Variants in CFAP47 observed in about 807,000 individuals in gnomAD.
CFAP47 encodes cilia- and flagella-associated protein 47.
In CFAP47, 29 loss-of-function variants were observed where a neutral mutation model predicts 148.1. The ratio of observed to expected loss-of-function variants is 0.20; its 90% confidence interval spans 0.15 to 0.27. The LOEUF is 0.27. Among genes scored for constraint, CFAP47 ranks in the 10% least tolerant of loss-of-function variants. CFAP47 has a pLI of 1.00. For synonymous variants in CFAP47, 664 were observed against 577.3 expected, an observed-to-expected ratio of 1.15 and a Z score of -2.15; for missense variants, 1,872 against 1,697.5, an observed-to-expected ratio of 1.10 and a Z score of -1.81.
intron 58 of CFAP47, 45 bp from the exon 59 acceptor site, chrX:36,349,993 G>A: frequency 1.3e-6 from 1 of 770,634 alleles, no homozygotes. Context: ...TGTTAATATG[G>A]AGTTTCTCCT....
intron 2 of CFAP47, among the ~76,000 whole-genome samples, chrX:35,940,200 T>C (rs1360750991): frequency 9.0e-6 from 1 of 111,458 alleles, no homozygotes; most frequent in Non-Finnish European, 1.9e-5. Context: ...TATTAGCCCT[T>C]TGTCAGCTGA....
At chrX:36,140,360 A>G (rs1939118421) in intron 35 of CFAP47, among the ~76,000 whole-genome samples, 2 of 111,776 alleles carry the variant, frequency 1.8e-5, no homozygotes, top group Admixed American at 1.9e-4. Flanking sequence ...TTTGTTTAGA[A>G]AAACCATACA....
chrX:36,069,881 A>C (rs1937714606), intron 27 of CFAP47, among the ~76,000 whole-genome samples: 1 of 112,224 alleles, frequency 8.9e-6, no homozygotes, highest in East Asian at 2.8e-4. Flanking sequence ...ATTTTAGTAT[A>C]GTTCATCTGC....
At chrX:36,300,432 G>A (rs1293738839) in intron 52 of CFAP47, among the ~76,000 whole-genome samples, 1 of 110,262 alleles carries the variant, frequency 9.1e-6, no homozygotes, top group African/African-American at 3.3e-5. Context: ...CGGGATTACA[G>A]GTGACCGCCA....
intron 49 of CFAP47, among the ~76,000 whole-genome samples, chrX:36,269,502 A>G (rs1280642316): frequency 1.8e-5 from 2 of 112,273 alleles, no homozygotes; most frequent in East Asian, 5.6e-4. Flanking sequence ...GGAAAGATCC[A>G]TATAAGTGAC....
chrX:35,928,436 C>T (rs763053680), intron 2 of CFAP47, among the ~76,000 whole-genome samples: 2 of 111,862 alleles, frequency 1.8e-5, no homozygotes, highest in South Asian at 7.4e-4. Flanking sequence ...TCAGGTGCTT[C>T]TTTGCCATCT....
At chrX:36,175,166 A>G (rs1939653125) in intron 39 of CFAP47, among the ~76,000 whole-genome samples, 1 of 110,423 alleles carries the variant, frequency 9.1e-6, no homozygotes, top group Admixed American at 9.6e-5. Flanking sequence ...TCCTTTAAGC[A>G]CTTCTCTGTA....
At chrX:36,355,869 A>G (rs1288052018) in intron 60 of CFAP47, among the ~76,000 whole-genome samples, 1 of 112,264 alleles carries the variant, frequency 8.9e-6, no homozygotes. Flanking sequence ...CTCATGTTAC[A>G]GTAACTGTAA....
intron 33 of CFAP47, among the ~76,000 whole-genome samples, chrX:36,110,462 G>A (rs1462548939): frequency 9.0e-6 from 1 of 110,560 alleles, no homozygotes; most frequent in Admixed American, 9.6e-5. Flanking sequence ...CTGTTCCATT[G>A]GTTTATGTAT....
At chrX:36,152,884 G>A (rs1293262673) in intron 37 of CFAP47, among the ~76,000 whole-genome samples, 2 of 110,613 alleles carry the variant, frequency 1.8e-5, no homozygotes, top group African/African-American at 6.6e-5. Flanking sequence ...TTGGTGGGGG[G>A]GACACAAACA....
At chrX:36,373,273 G>C (rs59711019) in intron 62 of CFAP47, among the ~76,000 whole-genome samples, 2 of 111,177 alleles carry the variant, frequency 1.8e-5, no homozygotes, top group Non-Finnish European at 3.8e-5. Context: ...TCATTTCTAA[G>C]AATTTTATTC....
intron 63 of CFAP47, among the ~76,000 whole-genome samples, chrX:36,381,535 T>C (rs1247034428): frequency 2.7e-5 from 3 of 111,737 alleles, no homozygotes; most frequent in African/African-American, 9.7e-5. Context: ...ATAATCTTGT[T>C]CACAAGTTTC....
chrX:36,001,631 C>A lies in CFAP47; in HGVS notation c.3341C>A (p.Ala1114Glu). ...KDKSEEFKDP[A>E]VPYIYSLELE... ...CTTACAGAAGAATTTAAAGACCCTG[C>A]AGTTCCTTATATATATTCTTTGGAA... is the stretch of plus-strand genomic sequence containing the variant. The change falls in exon 21 of 64, where the codon GCA (alanine) becomes GAA (glutamate). Residue 1114 changes from alanine to glutamate, a missense_variant. By Grantham distance (107) the Ala-to-Glu change is moderately radical (BLOSUM62 -1). Transcript: ENST00000378653. 2 of 295,745 alleles carry A rather than the reference C, an allele frequency of 6.8e-6. No individual in the cohort carries two copies. Among genetic ancestry groups the A allele is most frequent in the East Asian group, 4.8e-5 (1 of 20,934 alleles). The allele number at this position is 295,745 out of a possible 1,213,427, so 24.4% of individuals were successfully genotyped here. A position where few individuals can be genotyped will look rare whatever the true frequency, so the allele number is the denominator to read the frequency against.
chrX:36,370,409 C>T (rs1941920736), intron 62 of CFAP47, among the ~76,000 whole-genome samples: 1 of 109,966 alleles, frequency 9.1e-6, no homozygotes, highest in Non-Finnish European at 1.9e-5. Context: ...CATCCATGTC[C>T]CTGCAAAGGA....
chrX:36,038,349 G>A (rs1314681456), intron 24 of CFAP47, among the ~76,000 whole-genome samples: 1 of 111,987 alleles, frequency 8.9e-6, no homozygotes, highest in African/African-American at 3.2e-5. Flanking sequence ...CGATGTGAAA[G>A]GGTATTGATC....
intron 37 of CFAP47, among the ~76,000 whole-genome samples, chrX:36,156,681 A>G (rs1602017344): frequency 9.0e-6 from 1 of 110,798 alleles, no homozygotes; most frequent in Admixed American, 9.7e-5. Flanking sequence ...ATAAAAGGTA[A>G]AATAATTAAA....
chrX:36,019,191 G>A (rs1266852397), intron 22 of CFAP47, among the ~76,000 whole-genome samples: 2 of 111,657 alleles, frequency 1.8e-5, no homozygotes, highest in Admixed American at 1.9e-4. Flanking sequence ...CTGAATGTCT[G>A]AGCCTCTTAG....
intron 40 of CFAP47, among the ~76,000 whole-genome samples, chrX:36,182,582 A>G (rs764919525): frequency 4.5e-5 from 5 of 111,847 alleles, no homozygotes; most frequent in Admixed American, 2.8e-4. Context: ...CCATATACAA[A>G]CTGAAATTTA....
intron 54 of CFAP47, 146 bp downstream of exon 54, chrX:36,304,106 G>A: frequency 2.9e-6 from 1 of 348,073 alleles, no homozygotes; most frequent in East Asian, 5.7e-5. Flanking sequence ...TATAGGCCCA[G>A]CGGGGTGGCT....
Sources: allele counts gnomAD v4.1 joint callset (sites outside exome capture counted in the v4.1 genomes callset), GRCh38; gene constraint gnomAD v4.1.1; transcripts MANE v1.5; gene names NCBI Gene and HGNC (gene_info 2026-07-23, HGNC 2026-07-21).